Variants in DET1 observed in about 807,000 individuals in gnomAD.
DET1 encodes DET1 homolog.
In DET1, 22 loss-of-function variants were observed where a neutral mutation model predicts 43.7. The observed-to-expected ratio is 0.50, with a 90% CI of 0.36 to 0.72. The LOEUF is 0.72. Among genes scored for constraint, DET1 ranks in the 30% least tolerant of loss-of-function variants. The pLI, the probability that DET1 is intolerant of heterozygous loss-of-function variation, is 0.00. For missense variants in DET1, 713 were observed against 713.3 expected, an observed-to-expected ratio of 1.00 and a Z score of 0.00; for synonymous variants, 315 against 266.2, an observed-to-expected ratio of 1.18 and a Z score of -1.79.
At chr15:88,539,145 T>C (rs1031698164) in intron 1 of DET1, among the ~76,000 whole-genome samples, 1 of 151,478 alleles carries the variant, frequency 6.6e-6, no homozygotes, top group African/African-American at 2.4e-5. Flanking sequence ...TTGGAGAATC[T>C]CCAGGAAAGA....
At position 88,531,043 on chromosome 15, in the gene DET1, C is replaced by A. The variant is rs759864839; in HGVS notation, c.663G>T (p.Gly221=). Residue 221 remains glycine (G), a synonymous_variant, in exon 2 of 5, where the codon GGG becomes GGT. Coordinates refer to ENST00000268148, the MANE Select transcript of DET1 (RefSeq NM_001144074.3). This position sits in a 1 kb window ranked among gnomAD's most constrained non-coding sequence, Gnocchi z 6.2. ...CCAGGATGTTTTTGTACAAGTACAG[C>A]CCTTGGTTGTGTGACAAGACCACCT... ...CDKVVLSHNQ[G]LYLYKNILAI... 1.1e-5 allele frequency: 17 copies of A among 1,613,430 alleles called. No homozygotes were observed. Among genetic ancestry groups the A allele is most frequent in the Non-Finnish European group, 1.4e-5 (16 of 1,179,710 alleles).
intron 3 of DET1, among the ~76,000 whole-genome samples, chr15:88,517,872 T>C (rs2056388430): frequency 1.3e-5 from 2 of 152,208 alleles, no homozygotes; most frequent in South Asian, 2.1e-4. Flanking sequence ...GTCATATATC[T>C]GACTTATCTT....
At chr15:88,514,330 A>G (rs992813239) in intron 4 of DET1, among the ~76,000 whole-genome samples, 5 of 152,166 alleles carry the variant, frequency 3.3e-5, no homozygotes, top group East Asian at 1.9e-4. Flanking sequence ...AGGATTCCAG[A>G]AAATAAAAAG....
At chr15:88,536,012 A>G (rs1567071790) in intron 1 of DET1, among the ~76,000 whole-genome samples, 1 of 152,220 alleles carries the variant, frequency 6.6e-6, no homozygotes, top group Non-Finnish European at 1.5e-5. Flanking sequence ...AATGGAAAAA[A>G]CTAAAAGATA....
intron 1 of DET1, among the ~76,000 whole-genome samples, chr15:88,543,043 T>C (rs1229997803): frequency 2.6e-5 from 4 of 152,158 alleles, no homozygotes; most frequent in East Asian, 1.9e-4. Context: ...TAATGGCCCA[T>C]TGATTTGGAC....
In DET1 at chr15:88,531,157, G is replaced by A. The variant is rs2056802562; in HGVS notation, c.549C>T (p.Asn183=). 1 of 1,613,858 alleles carries A rather than the reference G, an allele frequency of 6.2e-7. No individual in the cohort carries two copies. Among genetic ancestry groups the A allele is most frequent in the African/African-American group, 1.3e-5 (1 of 74,916 alleles). The change falls in exon 2 of 5, where the codon AAC becomes AAT. Residue 183 remains asparagine (N), a synonymous_variant. Coordinates refer to ENST00000268148, the MANE Select transcript of DET1 (RefSeq NM_001144074.3). This position sits in a 1 kb window ranked among gnomAD's most constrained non-coding sequence, Gnocchi z 6.2. ...VYRNSESVTP[N]PRSPLEDYSL... Reference sequence around the variant, plus strand: ...AATAGTCTTCTAGAGGGGACCGTGGGTTGGGGGTCACTGATTCACTGTTCC... The same window carrying A: ...AATAGTCTTCTAGAGGGGACCGTGGATTGGGGGTCACTGATTCACTGTTCC...
chr15:88,517,637 T>A (rs1157880442), intron 3 of DET1, among the ~76,000 whole-genome samples: 1 of 152,190 alleles, frequency 6.6e-6, no homozygotes, highest in Admixed American at 6.5e-5. Flanking sequence ...GGGAAAAAGG[T>A]CAAGAACTTA....
Position 88,531,505 on chromosome 15 carries a change from A to G in DET1, c.201T>C (p.Pro67=). 1 of 1,614,034 alleles carries G rather than the reference A, an allele frequency of 6.2e-7. No individual in the cohort carries two copies. The highest frequency in any genetic ancestry group is 1.1e-5 in the South Asian group (1 of 91,082). Residue 67 remains proline, a synonymous_variant, in exon 2 of 5, where the codon CCT becomes CCC. Coordinates refer to ENST00000268148, the MANE Select transcript of DET1 (RefSeq NM_001144074.3). This position sits in a 1 kb window ranked among gnomAD's most constrained non-coding sequence, Gnocchi z 6.2. The stretch of plus-strand genomic sequence containing the variant: ...AAAAAGCAATAAAGTAGCGTCCATC[A>G]GGTGAGAATTTACGCAAGAAACAAG... ...KPPCFLRKFS[P]DGRYFIAFSS...
At chr15:88,544,734 G>T (rs1282444292) in intron 1 of DET1, among the ~76,000 whole-genome samples, 3 of 152,094 alleles carry the variant, frequency 2.0e-5, no homozygotes, top group East Asian at 1.9e-4. Context: ...TAAAAACAGG[G>T]GTCCCCAGGC....
At chr15:88,518,367 AAAAATT>A (rs1158932050) in intron 3 of DET1, among the ~76,000 whole-genome samples, 1 of 152,206 alleles carries the variant, frequency 6.6e-6, no homozygotes, top group African/African-American at 2.4e-5. Flanking sequence ...TAGAGGAAGA[AAAAATT>A]AAAAAGCTAA....
intron 1 of DET1, among the ~76,000 whole-genome samples, chr15:88,532,190 C>G (rs900858308): frequency 3.9e-5 from 6 of 152,244 alleles, no homozygotes; most frequent in African/African-American, 1.4e-4. Context: ...GTAGTTCCAG[C>G]TACTTGAGAG....
intron 1 of DET1, among the ~76,000 whole-genome samples, chr15:88,545,965 G>C (rs1246954702): frequency 2.0e-5 from 3 of 151,154 alleles, no homozygotes; most frequent in Non-Finnish European, 4.4e-5. Context: ...CTATCACCTT[G>C]TAATAGTCAT....
chr15:88,517,927 G>C (rs1334387390), intron 3 of DET1, among the ~76,000 whole-genome samples: 1 of 151,994 alleles, frequency 6.6e-6, no homozygotes, highest in Non-Finnish European at 1.5e-5. Context: ...TGTCACAAAT[G>C]CTAAATTTTA....
intron 3 of DET1, among the ~76,000 whole-genome samples, chr15:88,523,200 T>C (rs2056550756): frequency 2.0e-5 from 3 of 152,146 alleles, no homozygotes; most frequent in Non-Finnish European, 4.4e-5. Flanking sequence ...TTATTCTTTA[T>C]TCTGTTTGTT....
intron 2 of DET1, among the ~76,000 whole-genome samples, chr15:88,530,222 T>C (rs964006241): frequency 6.6e-6 from 1 of 152,236 alleles, no homozygotes; most frequent in Non-Finnish European, 1.5e-5. Flanking sequence ...AGAATTTTCT[T>C]TTTGGTATGG....
chr15:88,526,360 T>C (rs2056662833), intron 3 of DET1, among the ~76,000 whole-genome samples: 1 of 152,366 alleles, frequency 6.6e-6, no homozygotes, highest in East Asian at 1.9e-4. Flanking sequence ...ATGTGAAATA[T>C]GATGAGGCAC....
At chr15:88,536,781 A>AAAAAAAAAC in intron 1 of DET1, among the ~76,000 whole-genome samples, 1 of 151,402 alleles carries the variant, frequency 6.6e-6, no homozygotes, top group African/African-American at 2.4e-5. Context: ...AAAAAAAAAA[A>AAAAAAAAAC]AAAAAAAAGG....
chr15:88,539,200 G>C (rs2057031105), intron 1 of DET1, among the ~76,000 whole-genome samples: 1 of 152,046 alleles, frequency 6.6e-6, no homozygotes. Flanking sequence ...GTGACTGTGG[G>C]AGGACAAAGG....
At position 88,531,124 on chromosome 15, in the gene DET1, A is replaced by G. The variant is rs1406719669; in HGVS notation, c.582T>C (p.His194=). Residue 194 remains histidine, a synonymous_variant, in exon 2 of 5, where the codon CAT becomes CAC. Transcript: ENST00000268148. The surrounding 1 kb of genome is among the most constrained non-coding windows in gnomAD (Gnocchi z 6.2). The part of the protein sequence containing the change: ...PRSPLEDYSL[H]IIDLHTGRLC... ...AGCGGCCGGTGTGAAGGTCAATGAT[A>G]TGGAGGGAATAGTCTTCTAGAGGGG... 7 of 1,613,960 alleles carry G rather than the reference A, an allele frequency of 4.3e-6. No homozygotes were observed. The highest frequency in any genetic ancestry group is 5.9e-6 in the Non-Finnish European group (7 of 1,179,876).
Sources: gnomAD v4.1 joint callset for allele counts (sites outside exome capture counted in the v4.1 genomes callset) on GRCh38, gnomAD v4.1.1 for gene constraint, Gnocchi (gnomAD v3.1) non-coding constraint, MANE v1.5 for transcripts, NCBI Gene and HGNC (gene_info 2026-07-23, HGNC 2026-07-21) for gene names.